SRD5A2: variants seen among roughly 807,000 people sequenced by gnomAD.
SRD5A2 encodes the protein 3-oxo-5-alpha-steroid 4-dehydrogenase 2.
In SRD5A2, 30 loss-of-function variants were observed where a neutral mutation model predicts 27.4. The ratio of observed to expected loss-of-function variants is 1.10; its 90% CI spans 0.82 to 1.49. The LOEUF (loss-of-function observed/expected upper bound fraction) is 1.49. Among genes scored for constraint, SRD5A2 ranks in the 40% most tolerant of loss-of-function variants. The pLI, the probability that SRD5A2 is intolerant of heterozygous loss-of-function variation, is 0.00. For missense variants in SRD5A2, 348 were observed against 323.4 expected, an observed-to-expected ratio of 1.08 and a Z score of -0.58; for synonymous variants, 141 against 133.6, an observed-to-expected ratio of 1.06 and a Z score of -0.38.
chr2:31,619,192 G>T, the SRD5A2 span, among the ~76,000 whole-genome samples: 7 of 152,216 alleles, frequency 4.6e-5, no homozygotes, highest in African/African-American at 1.7e-4. Flanking sequence ...AGGGAAATTA[G>T]AACTCTCATA....
chr2:31,621,328 G>T, the SRD5A2 span, among the ~76,000 whole-genome samples: 4 of 152,016 alleles, frequency 2.6e-5, no homozygotes, highest in Non-Finnish European at 5.9e-5. Flanking sequence ...ATTTGTAAAT[G>T]TTGTCGTTTC....
intron 1 of SRD5A2, among the ~76,000 whole-genome samples, chr2:31,576,691 T>A (rs1666965113): frequency 1.7e-5 from 1 of 58,294 alleles, no homozygotes; most frequent in Non-Finnish European, 3.5e-5. Context: ...TAAAGACACA[T>A]GCACACATAT....
At chr2:31,654,861 G>C in the SRD5A2 span, among the ~76,000 whole-genome samples, 2 of 152,056 alleles carry the variant, frequency 1.3e-5, no homozygotes, top group African/African-American at 2.4e-5. Flanking sequence ...ACACACGAAG[G>C]CTCTTTCTTG....
upstream of SRD5A2, chr2:31,581,038 T>A (rs1217043234): frequency 1.1e-5 from 10 of 939,784 alleles, no homozygotes; most frequent in East Asian, 2.5e-4. Flanking sequence ...GCCTCCCACC[T>A]CGCCGCGTCC....
At chr2:31,552,027 C>A (rs1666390780) in intron 1 of SRD5A2, among the ~76,000 whole-genome samples, 1 of 151,618 alleles carries the variant, frequency 6.6e-6, no homozygotes, top group African/African-American at 2.4e-5. Flanking sequence ...AAGCACCATC[C>A]ATAAAAGGAA....
intron 1 of SRD5A2, among the ~76,000 whole-genome samples, chr2:31,555,082 G>T (rs1434162118): frequency 6.6e-6 from 1 of 151,630 alleles, no homozygotes; most frequent in Admixed American, 6.6e-5. Context: ...GAATTTAAAT[G>T]TGGGTCTTCT....
chr2:31,615,967 C>A, the SRD5A2 span, among the ~76,000 whole-genome samples: 1 of 152,096 alleles, frequency 6.6e-6, no homozygotes, highest in East Asian at 1.9e-4. Flanking sequence ...AAGTACCAAG[C>A]CTTGGCAGCT....
At chr2:31,560,067 C>T (rs932106796) in intron 1 of SRD5A2, among the ~76,000 whole-genome samples, 14 of 130,544 alleles carry the variant, frequency 1.1e-4, no homozygotes, top group East Asian at 2.5e-4. Flanking sequence ...CCCCCCCCCC[C>T]CTTTTTTTAA....
At chr2:31,555,989 C>T (rs1558367228) in intron 1 of SRD5A2, among the ~76,000 whole-genome samples, 1 of 152,190 alleles carries the variant, frequency 6.6e-6, no homozygotes, top group Non-Finnish European at 1.5e-5. Context: ...ATTTTGGGTA[C>T]ACATTTTAGC....
chr2:31,614,735 T>C, the SRD5A2 span, among the ~76,000 whole-genome samples: 2 of 152,188 alleles, frequency 1.3e-5, no homozygotes, highest in Non-Finnish European at 2.9e-5. Flanking sequence ...CTCTGAAATC[T>C]AGGCGGAAGT....
chr2:31,569,336 C>T (rs1291738830), intron 1 of SRD5A2, among the ~76,000 whole-genome samples: 1 of 152,210 alleles, frequency 6.6e-6, no homozygotes, highest in East Asian at 1.9e-4. Flanking sequence ...AAACCATTTT[C>T]CAAAGTGGTT....
the SRD5A2 span, among the ~76,000 whole-genome samples, chr2:31,593,968 T>C: frequency 6.6e-6 from 1 of 152,122 alleles, no homozygotes; most frequent in African/African-American, 2.4e-5. Flanking sequence ...GAAGGAGAGA[T>C]AAAGTCTTTT....
At chr2:31,622,141 C>T in the SRD5A2 span, among the ~76,000 whole-genome samples, 3 of 152,036 alleles carry the variant, frequency 2.0e-5, no homozygotes, top group Non-Finnish European at 4.4e-5. Context: ...CTCTGACAGG[C>T]CCCAGTGTAT....
chr2:31,566,772 T>G (rs960356926), intron 1 of SRD5A2, among the ~76,000 whole-genome samples: 1 of 152,236 alleles, frequency 6.6e-6, no homozygotes, highest in Non-Finnish European at 1.5e-5. Context: ...TGAGATTTAA[T>G]TGCATGGTCA....
chr2:31,544,348 A>G (rs1666200464), intron 1 of SRD5A2, among the ~76,000 whole-genome samples: 1 of 152,028 alleles, frequency 6.6e-6, no homozygotes, highest in Non-Finnish European at 1.5e-5. Flanking sequence ...ACAGAAATAT[A>G]CAAAACAACT....
At chr2:31,565,749 A>G (rs1196497775) in intron 1 of SRD5A2, among the ~76,000 whole-genome samples, 1 of 152,050 alleles carries the variant, frequency 6.6e-6, no homozygotes, top group Non-Finnish European at 1.5e-5. Flanking sequence ...AAGCAAGTCT[A>G]CAATTTTGAT....
rs59697517 is a variant in SRD5A2 at position 31,554,924 on chromosome 2, CGTGTGTGTGTGTGT to C, written c.282-21172_282-21159del. ...CTGGTAAGATGGCCTCTATCCTGAT[CGTGTGTGTGTGTGT>C]GTGTGTGTGTGTGTGTGTGTGTGTG... On this transcript the variant is annotated intron_variant, in intron 1 of 4. Transcript: ENST00000622030. Among the ~76,000 whole-genome samples the C allele has an allele frequency of 2.9e-3, 378 of 132,202 alleles. 2 individuals are homozygous for C. Among genetic ancestry groups the C allele is most frequent in the South Asian group, 0.017 (65 of 3,784 alleles). The allele number at this position is 132,202 out of a possible 152,430, so 86.7% of individuals were successfully genotyped here. A position where few individuals can be genotyped will look rare whatever the true frequency, so the allele number is the denominator to read the frequency against.
chr2:31,583,997 G>T (rs1243409948), upstream of SRD5A2, among the ~76,000 whole-genome samples: 1 of 152,104 alleles, frequency 6.6e-6, no homozygotes, highest in Non-Finnish European at 1.5e-5. Context: ...TAGCTCGTTT[G>T]AATACTTTTA....
chr2:31,647,510 T>C, the SRD5A2 span, among the ~76,000 whole-genome samples: 1 of 152,228 alleles, frequency 6.6e-6, no homozygotes, highest in Non-Finnish European at 1.5e-5. Flanking sequence ...TGTCATTTGC[T>C]AACACAAAAA....
Sources: gnomAD v4.1 joint callset for allele counts (sites outside exome capture counted in the v4.1 genomes callset) on GRCh38, gnomAD v4.1.1 for gene constraint, MANE v1.5 for transcripts, NCBI Gene and HGNC (gene_info 2026-07-23, HGNC 2026-07-21) for gene names.